CDH19: variants seen among roughly 807,000 people sequenced by gnomAD.
CDH19 encodes cadherin-19.
CDH19 carries 67 observed loss-of-function variants against 64.2 expected under a neutral mutation model. The observed-to-expected ratio is 1.04, with a 90% confidence interval of 0.86 to 1.28. The LOEUF (loss-of-function observed/expected upper bound fraction) is 1.28. Ranked by LOEUF, CDH19 falls within the 50% of genes most tolerant of loss-of-function variation. The pLI, the probability that CDH19 is intolerant of heterozygous loss-of-function variation, is 0.00. For missense variants in CDH19, 1,030 were observed against 929.0 expected, an observed-to-expected ratio of 1.11 and a Z score of -1.41; for synonymous variants, 346 against 319.3, an observed-to-expected ratio of 1.08 and a Z score of -0.89.
At chr18:66,572,488 G>C (rs1221923192) in intron 1 of CDH19, among the ~76,000 whole-genome samples, 172 bp from the exon 2 acceptor site, 1 of 151,686 alleles carries the variant, frequency 6.6e-6, no homozygotes, top group Non-Finnish European at 1.5e-5. Context: ...GCAATAATTT[G>C]ATTAGAATAA....
chr18:66,518,537 G>A (rs941701710), intron 9 of CDH19, among the ~76,000 whole-genome samples: 11 of 151,842 alleles, frequency 7.2e-5, no homozygotes, highest in African/African-American at 2.2e-4. Flanking sequence ...TCCCACCTAG[G>A]TTTACTTTTA....
rs895659649 is a variant in CDH19, at chr18:66,530,553, T to C, written c.1337-587A>G. On this transcript the variant is annotated intron_variant, in intron 8 of 11. Coordinates refer to ENST00000262150, the MANE Select transcript of CDH19 (RefSeq NM_021153.4). ...ATAAAATCTAAATAAAGTTTTTATATAAACATTGAATTGAGAAGATTTTCT... is the reference window on the plus strand; with the variant it reads ...ATAAAATCTAAATAAAGTTTTTATACAAACATTGAATTGAGAAGATTTTCT... Among the ~76,000 whole-genome samples the C allele has an allele frequency of 3.3e-5, 5 of 152,124 alleles. No homozygotes were observed. The East Asian group carries it at 9.6e-4, about 29-fold the overall frequency.
chr18:66,501,744 C>T lies in CDH19; in HGVS notation c.*3068G>A, dbSNP rs1338071395. Reference sequence around the variant, plus strand: ...GGTTTTACATATCTTATTATTAATTCTTCATAACAACCATGTGAAATAGGT... The same window carrying T: ...GGTTTTACATATCTTATTATTAATTTTTCATAACAACCATGTGAAATAGGT... On this transcript the variant is annotated 3_prime_UTR_variant, in exon 12 of 12. Transcript: ENST00000262150. The T allele has an allele frequency of 1.3e-5, 2 of 152,012 alleles. No homozygotes were observed. Among genetic ancestry groups the T allele is most frequent in the East Asian group, 3.9e-4 (2 of 5,164 alleles). The allele number at this position is 152,012 out of a possible 1,614,324, so 9.4% of individuals were successfully genotyped here.
intron 1 of CDH19, among the ~76,000 whole-genome samples, chr18:66,594,824 G>A (rs1389009309): frequency 1.4e-3 from 186 of 128,674 alleles, no homozygotes; most frequent in Admixed American, 2.4e-3. Flanking sequence ...ATGGACACAG[G>A]AAGGGGAACA....
chr18:66,545,263 C>T (rs1987066102), intron 5 of CDH19, among the ~76,000 whole-genome samples: 1 of 152,062 alleles, frequency 6.6e-6, no homozygotes, highest in Admixed American at 6.6e-5. Context: ...CAGATGTGAG[C>T]CACCGTGCCG....
intron 1 of CDH19, among the ~76,000 whole-genome samples, chr18:66,600,054 T>A (rs1599049850): frequency 6.6e-6 from 1 of 151,952 alleles, no homozygotes; most frequent in African/African-American, 2.4e-5. Flanking sequence ...ATCTTAAGTA[T>A]GTAAATCCTT....
At chr18:66,587,393 A>T (rs1411896760) in intron 1 of CDH19, among the ~76,000 whole-genome samples, 1 of 152,114 alleles carries the variant, frequency 6.6e-6, no homozygotes, top group Non-Finnish European at 1.5e-5. Context: ...ACTCTAAGAA[A>T]AGCTTAGGTT....
In CDH19 at chr18:66,554,495, C is replaced by T. The variant is rs941185847; in HGVS notation, c.520G>A (p.Asp174Asn). Residue 174 changes from aspartate (D) to asparagine (N), a missense_variant, in exon 4 of 12, where the codon GAT (aspartate) becomes AAT (asparagine). Asp to Asn is a conservative substitution (Grantham distance 23). Transcript: ENST00000262150. ...GTLVIQVTAS[D>N]ADDPSSGNNA... ...TTACCACTTGAGGGATCGTCAGCAT[C>T]ACTTGCTGTCACCTGGATAACTAAT... 6.2e-7 allele frequency: 1 copy of T among 1,610,458 alleles called. No homozygotes were observed. Among genetic ancestry groups the T allele is most frequent in the African/African-American group, 1.3e-5 (1 of 74,824 alleles).
intron 9 of CDH19, among the ~76,000 whole-genome samples, chr18:66,513,371 T>C (rs1030171386): frequency 1.3e-5 from 2 of 151,516 alleles, no homozygotes; most frequent in Non-Finnish European, 3.0e-5. Flanking sequence ...AATGATCATG[T>C]CTCCACTTAT....
At chr18:66,597,172 A>AAAAAAAAAAAAT in intron 1 of CDH19, among the ~76,000 whole-genome samples, 1 of 148,778 alleles carries the variant, frequency 6.7e-6, no homozygotes, top group Non-Finnish European at 1.5e-5. Flanking sequence ...TAAAAAAAAA[A>AAAAAAAAAAAAT]AAAAAAAGCT....
intron 9 of CDH19, among the ~76,000 whole-genome samples, chr18:66,526,717 G>A (rs1248761577): frequency 2.6e-5 from 4 of 151,782 alleles, no homozygotes; most frequent in Non-Finnish European, 5.9e-5. Flanking sequence ...TTTCATCATT[G>A]TGCATAAGTT....
At chr18:66,595,978 C>T (rs934977555) in intron 1 of CDH19, among the ~76,000 whole-genome samples, 2 of 152,034 alleles carry the variant, frequency 1.3e-5, no homozygotes, top group Non-Finnish European at 2.9e-5. Context: ...ATAAGATTAC[C>T]TTGTTTCCTG....
intron 10 of CDH19, 142 bp from the exon 11 acceptor site, chr18:66,509,388 G>A: frequency 1.6e-6 from 1 of 626,580 alleles, no homozygotes; most frequent in Non-Finnish European, 2.7e-6. Flanking sequence ...CTGACGAGAA[G>A]ACAACTAAAA....
intron 5 of CDH19, among the ~76,000 whole-genome samples, chr18:66,548,372 C>A (rs991897140): frequency 2.7e-4 from 24 of 87,698 alleles, no homozygotes; most frequent in Middle Eastern, 5.4e-3. Flanking sequence ...AGGTTCTCAG[C>A]CCAGAGGTGG....
intron 11 of CDH19, among the ~76,000 whole-genome samples, chr18:66,506,486 A>G (rs1985204209): frequency 1.3e-5 from 2 of 152,022 alleles, no homozygotes; most frequent in Non-Finnish European, 2.9e-5. Context: ...ACAAAAGTAG[A>G]AAGTTGGTTC....
chr18:66,529,129 A>G (rs1986335311), intron 9 of CDH19, among the ~76,000 whole-genome samples: 1 of 152,022 alleles, frequency 6.6e-6, no homozygotes, highest in African/African-American at 2.4e-5. Context: ...TGTGAAATAA[A>G]TTGTGAAGTA....
chr18:66,575,289 T>C (rs1348240507), intron 1 of CDH19, among the ~76,000 whole-genome samples: 1 of 151,774 alleles, frequency 6.6e-6, no homozygotes, highest in Non-Finnish European at 1.5e-5. Flanking sequence ...AGTGGGAAAC[T>C]GTCTTCAAGG....
intron 1 of CDH19, among the ~76,000 whole-genome samples, chr18:66,588,927 G>A (rs1230528969): frequency 2.0e-5 from 3 of 151,074 alleles, no homozygotes; most frequent in Non-Finnish European, 4.4e-5. Context: ...AGAAAGCAGA[G>A]AATAAACAAA....
At chr18:66,509,714 G>C (rs975102699) in intron 10 of CDH19, among the ~76,000 whole-genome samples, 2 of 151,618 alleles carry the variant, frequency 1.3e-5, no homozygotes, top group East Asian at 3.9e-4. Context: ...ATATGACACG[G>C]TCTATTTTCT....
Sources: allele counts gnomAD v4.1 joint callset (sites outside exome capture counted in the v4.1 genomes callset), GRCh38; gene constraint gnomAD v4.1.1; transcripts MANE v1.5; gene names NCBI Gene and HGNC (gene_info 2026-07-23, HGNC 2026-07-21).